Variants in C10orf143 observed in about 807,000 individuals in gnomAD.
C10orf143 encodes chromosome 10 open reading frame 143, also known as uncharacterized protein C10orf143.
chr10:130,107,528 C>T, intron 1 of C10orf143: 2 of 1,350,728 alleles, frequency 1.5e-6, no homozygotes, highest in South Asian at 1.2e-5. Context: ...TAAAATAAAA[C>T]TTCTAAAAAA....
intron 3 of C10orf143, among the ~76,000 whole-genome samples, chr10:130,052,284 G>A (rs1170206289): frequency 6.6e-6 from 1 of 152,076 alleles, no homozygotes; most frequent in African/African-American, 2.4e-5. Context: ...GCAAAGAAGT[G>A]GGGGTCCATG....
At chr10:130,073,191 G>T (rs1861059789) in intron 3 of C10orf143, among the ~76,000 whole-genome samples, 1 of 152,088 alleles carries the variant, frequency 6.6e-6, no homozygotes, top group African/African-American at 2.4e-5. Flanking sequence ...CTACACACTG[G>T]GTGGTGGAGG....
chr10:130,041,490 C>G (rs1353711661), intron 3 of C10orf143, among the ~76,000 whole-genome samples: 1 of 152,222 alleles, frequency 6.6e-6, no homozygotes, highest in Non-Finnish European at 1.5e-5. Flanking sequence ...TGCCTATTTT[C>G]CAACATCCTC....
At chr10:130,087,771 C>T (rs1195838074) in intron 1 of C10orf143, among the ~76,000 whole-genome samples, 1 of 152,166 alleles carries the variant, frequency 6.6e-6, no homozygotes, top group East Asian at 1.9e-4. Flanking sequence ...GGGGACATCT[C>T]CCCAAAGCCC....
At chr10:130,038,881 G>A (rs1461692552) in intron 3 of C10orf143, among the ~76,000 whole-genome samples, 1 of 152,200 alleles carries the variant, frequency 6.6e-6, no homozygotes, top group Non-Finnish European at 1.5e-5. Flanking sequence ...CGGAGGGAGT[G>A]ATGGGCCAGC....
At chr10:130,099,472 A>T (rs1264531580) in intron 1 of C10orf143, among the ~76,000 whole-genome samples, 2 of 152,158 alleles carry the variant, frequency 1.3e-5, no homozygotes, top group Non-Finnish European at 2.9e-5. Context: ...CCAATGGGGT[A>T]AAACAAAGAT....
chr10:130,074,810 A>G (rs964006512), intron 3 of C10orf143, among the ~76,000 whole-genome samples: 1 of 152,200 alleles, frequency 6.6e-6, no homozygotes, highest in Non-Finnish European at 1.5e-5. Context: ...CAGAATAATC[A>G]TACTTTGGCT....
chr10:130,106,690 C>T (rs1338531943), intron 1 of C10orf143: 2 of 1,228,802 alleles, frequency 1.6e-6, no homozygotes, highest in Admixed American at 3.4e-5. Context: ...TGAATGAAAA[C>T]TCTCACCTTC....
chr10:130,049,395 C>A (rs1040317367), intron 3 of C10orf143, among the ~76,000 whole-genome samples: 1 of 152,180 alleles, frequency 6.6e-6, no homozygotes, highest in Non-Finnish European at 1.5e-5. Flanking sequence ...GAGCTCCAAA[C>A]GACTGATTCC....
chr10:130,096,965 A>G (rs950950730), intron 1 of C10orf143, among the ~76,000 whole-genome samples: 2 of 145,180 alleles, frequency 1.4e-5, no homozygotes, highest in Non-Finnish European at 3.0e-5. Flanking sequence ...TAATTTTTTA[A>G]TTTTTTTTTT....
intron 3 of C10orf143, among the ~76,000 whole-genome samples, chr10:130,041,813 G>GCACA (rs10551202): frequency 0.29 from 44,064 of 150,642 alleles, 7,000 homozygotes; most frequent in Non-Finnish European, 0.36. Context: ...AATAAGCTCT[G>GCACA]CACACACACA....
rs1861515529 is a variant in C10orf143, at chr10:130,099,619, C to T, written c.69+11085G>A. On this transcript the variant is annotated intron_variant, in intron 1 of 3. Transcript: ENST00000637128. ...AGGCATGATCTCGGCTCAGTGCAACCTCTGCCTCGTGGGTTTAAGTGATTC... is the reference window on the plus strand; with the variant it reads ...AGGCATGATCTCGGCTCAGTGCAACTTCTGCCTCGTGGGTTTAAGTGATTC... Among the ~76,000 whole-genome samples the T allele has an allele frequency of 2.0e-5, 3 of 151,914 alleles. No homozygotes were observed. In the South Asian group the frequency reaches 6.2e-4, roughly 32 times the overall value.
intron 3 of C10orf143, among the ~76,000 whole-genome samples, chr10:130,043,744 C>T (rs1486584550): frequency 6.6e-6 from 1 of 152,352 alleles, no homozygotes; most frequent in East Asian, 1.9e-4. Flanking sequence ...GCATCTCCAC[C>T]CCACTGTTCC....
chr10:130,060,979 A>G (rs1860851124), downstream of C10orf143, among the ~76,000 whole-genome samples: 2 of 152,160 alleles, frequency 1.3e-5, no homozygotes, highest in South Asian at 4.2e-4. Flanking sequence ...CTCTACAAAA[A>G]ATACAAAAAT....
intron 3 of C10orf143, among the ~76,000 whole-genome samples, chr10:130,049,395 C>T (rs1040317367): frequency 1.6e-4 from 25 of 152,180 alleles, no homozygotes; most frequent in African/African-American, 5.8e-4. Flanking sequence ...GAGCTCCAAA[C>T]GACTGATTCC....
chr10:130,041,902 GCA>G (rs1411907870), intron 3 of C10orf143, among the ~76,000 whole-genome samples: 9 of 151,936 alleles, frequency 5.9e-5, no homozygotes, highest in African/African-American at 1.9e-4. Context: ...ACACACACAT[GCA>G]CACACTCATA....
At chr10:130,049,470 A>G (rs1160587393) in intron 3 of C10orf143, among the ~76,000 whole-genome samples, 2 of 152,216 alleles carry the variant, frequency 1.3e-5, no homozygotes, top group African/African-American at 4.8e-5. Flanking sequence ...CAGACCGGGC[A>G]GCCCCTGGGC....
intron 3 of C10orf143, among the ~76,000 whole-genome samples, chr10:130,045,480 G>A (rs1215236399): frequency 6.6e-6 from 1 of 152,206 alleles, no homozygotes; most frequent in Non-Finnish European, 1.5e-5. Flanking sequence ...TGGCAGCAAC[G>A]CCCCGCCCCG....
chr10:130,109,852 A>C (rs950077661), intron 1 of C10orf143, among the ~76,000 whole-genome samples: 1 of 149,280 alleles, frequency 6.7e-6, no homozygotes, highest in South Asian at 2.1e-4. Flanking sequence ...GCTCTAGAAG[A>C]AAAAAAAAAG....
Sources: gnomAD v4.1 joint callset for allele counts (sites outside exome capture counted in the v4.1 genomes callset) on GRCh38, gnomAD v4.1.1 for gene constraint, MANE v1.5 for transcripts, NCBI Gene and HGNC (gene_info 2026-07-23, HGNC 2026-07-21) for gene names.